Variants in SAMD7 observed in about 807,000 individuals in gnomAD.
The protein encoded by SAMD7 is sterile alpha motif domain-containing protein 7.
SAMD7 carries 34 observed loss-of-function variants against 36.7 expected under a neutral mutation model. That is an observed-to-expected ratio of 0.93 (90% CI 0.71 to 1.23). The LOEUF (loss-of-function observed/expected upper bound fraction) is 1.23. SAMD7 is among the 50% of genes most tolerant of loss of function. The probability of loss-of-function intolerance (pLI) is 0.00; values close to 1 mark genes in which losing one functional copy is unlikely to be tolerated. For missense variants in SAMD7, 570 were observed against 546.6 expected (o/e 1.04, Z -0.43); for synonymous variants, 188 against 189.7 (o/e 0.99, Z 0.07).
In SAMD7 at chr3:169,928,505, A is replaced by G; in HGVS notation, c.968A>G (p.Asp323Gly). 6.2e-7 allele frequency: 1 copy of G among 1,613,654 alleles called. No homozygotes were observed. Among genetic ancestry groups the G allele is most frequent in the Non-Finnish European group, 8.5e-7 (1 of 1,179,516 alleles). The change falls in exon 7 of 9, where the codon GAT becomes GGT. Residue 323 changes from aspartate (D) to glycine (G), a missense_variant. Asp to Gly is a moderately conservative substitution (Grantham distance 94). Coordinates refer to ENST00000335556, the MANE Select transcript of SAMD7 (RefSeq NM_001304366.2). ...GGGGGGAATCTTTCTTTGGATGAAG[A>G]TATTCAGAAGTGGACCGTGGATGAT... ...TIGGNLSLDE[D>G]IQKWTVDDVH... is the part of the protein sequence containing the mutation.
chr3:169,933,012 G>C, intron 7 of SAMD7: 2 of 756,170 alleles, frequency 2.6e-6, no homozygotes, highest in Non-Finnish European at 4.9e-6. Context: ...CATCACTCAG[G>C]TGTCTACCTG....
rs1390834395 is a variant in SAMD7 at position 169,925,013 on chromosome 3, T to C, written c.212-45T>C. ...TTATTTTATTATTTTCAAATGCATG[T>C]TTTTAATTTATTTGTGGGGTGGGAT... On this transcript the variant is annotated intron_variant, in intron 4 of 8. Transcript: ENST00000335556. 2.6e-6 allele frequency: 3 copies of C among 1,174,510 alleles called. No individual in the cohort carries two copies. In the Admixed American group the frequency reaches 6.3e-5, roughly 25 times the overall value. 72.8% of individuals were successfully genotyped at this position (1,174,510 alleles called of 1,614,324 possible).
At chr3:169,937,107 ACT>A (rs1480891740) in intron 8 of SAMD7, among the ~76,000 whole-genome samples, 2 of 152,174 alleles carry the variant, frequency 1.3e-5, no homozygotes, top group African/African-American at 4.8e-5. Flanking sequence ...GTATTTAACA[ACT>A]GGCTTGCAAA....
At chr3:169,929,770 C>T (rs1559953015) in intron 7 of SAMD7, among the ~76,000 whole-genome samples, 3 of 152,218 alleles carry the variant, frequency 2.0e-5, no homozygotes. Context: ...ACCCAAGAGA[C>T]GGCCAAGCCT....
rs146937792 is a variant in SAMD7, at chr3:169,924,686, A to G, written c.212-372A>G. On this transcript the variant is annotated intron_variant, in intron 4 of 8. Coordinates refer to ENST00000335556, the MANE Select transcript of SAMD7 (RefSeq NM_001304366.2). ...GCTTGATTTAAGCATTCCACAATGT[A>G]TATACATATATCAAAACATCAAGTG... 8.0e-3 allele frequency among the ~76,000 whole-genome samples: 1,219 copies of G among 152,324 alleles called. 21 individuals carry two copies. The highest frequency in any genetic ancestry group is 0.028 in the African/African-American group (1,171 of 41,572).
chr3:169,928,129 GA>G (rs1158434148), intron 6 of SAMD7, among the ~76,000 whole-genome samples: 1 of 152,120 alleles, frequency 6.6e-6, no homozygotes, highest in African/African-American at 2.4e-5. Flanking sequence ...GTCTCATCTC[GA>G]AAGCAGGATA....
chr3:169,912,010 G>A (rs190491115), intron 1 of SAMD7, among the ~76,000 whole-genome samples, 189 bp downstream of exon 1: 25 of 152,290 alleles, frequency 1.6e-4, no homozygotes, highest in African/African-American at 6.0e-4. Context: ...AGTTACTAAC[G>A]AGTAAAGATG....
At chr3:169,921,985 G>A (rs948806450) in intron 4 of SAMD7, among the ~76,000 whole-genome samples, 1 of 152,192 alleles carries the variant, frequency 6.6e-6, no homozygotes, top group African/African-American at 2.4e-5. Context: ...TATGTGGAAG[G>A]TGGAAGAAAG....
At chr3:169,934,922 T>C (rs912889964) in intron 7 of SAMD7, among the ~76,000 whole-genome samples, 1 of 152,178 alleles carries the variant, frequency 6.6e-6, no homozygotes, top group African/African-American at 2.4e-5. Context: ...AGCAGCCTCA[T>C]GACAGAAAGG....
chr3:169,936,263 A>G lies in SAMD7; in HGVS notation c.1042-76A>G, dbSNP rs953810106. On this transcript the variant is annotated intron_variant, in intron 7 of 8. Transcript: ENST00000335556. ...CAGTCTTAATGTTTTCTCCAAAACT[A>G]AAATATCTAGGTGGTAAAAGAACTT... 1.5e-5 allele frequency: 14 copies of G among 941,446 alleles called. No individual in the cohort carries two copies. The Admixed American group carries it at 2.9e-4, about 20-fold the overall frequency. The allele number at this position is 941,446 out of a possible 1,614,324, so 58.3% of individuals were successfully genotyped here.
chr3:169,914,766 CA>C lies in SAMD7; in HGVS notation c.-116-590del, dbSNP rs548032548. 1.3e-3 allele frequency among the ~76,000 whole-genome samples: 193 copies of C among 145,788 alleles called. 4 individuals carry two copies. The South Asian group carries it at 0.025, about 19-fold the overall frequency. On this transcript the variant is annotated intron_variant, in intron 1 of 8. Transcript: ENST00000335556. Reference sequence around the variant, plus strand: ...ATTTCACATAACTTGTGACTAATGGCAAAAAAAAAAATCCTGCTGTTTTGTT... The same window carrying C: ...ATTTCACATAACTTGTGACTAATGGCAAAAAAAAAATCCTGCTGTTTTGTT...
intron 3 of SAMD7, among the ~76,000 whole-genome samples, chr3:169,920,712 C>T (rs1192542033): frequency 6.6e-6 from 1 of 151,960 alleles, no homozygotes; most frequent in Non-Finnish European, 1.5e-5. Context: ...ATATTTTGAC[C>T]TTCAGGAGAG....
At chr3:169,916,728 C>A (rs1472674439) in intron 2 of SAMD7, among the ~76,000 whole-genome samples, 1 of 152,208 alleles carries the variant, frequency 6.6e-6, no homozygotes, top group Non-Finnish European at 1.5e-5. Context: ...GTTCAATCTT[C>A]TGCTAGAGAC....
At chr3:169,916,398 T>C (rs1481471564) in intron 2 of SAMD7, among the ~76,000 whole-genome samples, 2 of 152,064 alleles carry the variant, frequency 1.3e-5, no homozygotes, top group African/African-American at 4.8e-5. Flanking sequence ...CTAATCCCAG[T>C]GCTATGGGAG....
At chr3:169,927,543 C>A (rs1194308933) in intron 6 of SAMD7, among the ~76,000 whole-genome samples, 1 of 152,044 alleles carries the variant, frequency 6.6e-6, no homozygotes, top group Non-Finnish European at 1.5e-5. Flanking sequence ...GATCCGCCCG[C>A]CTCGGCCTCC....
intron 7 of SAMD7, chr3:169,933,138 T>A (rs557626912): frequency 2.3e-5 from 18 of 785,510 alleles, no homozygotes; most frequent in African/African-American, 2.2e-4. Context: ...CATGGACCAG[T>A]GGCTCCTGAG....
In SAMD7 at chr3:169,920,544, G is replaced by T. The variant is rs189762150; in HGVS notation, c.87-670G>T. On this transcript the variant is annotated intron_variant, in intron 3 of 8. Coordinates refer to ENST00000335556, the MANE Select transcript of SAMD7 (RefSeq NM_001304366.2). The stretch of plus-strand genomic sequence containing the variant: ...TTCAACATGCTAATTTTTTGGTGGC[G>T]AGGCGAAACAAGTCCATAACAACTG... Among the ~76,000 whole-genome samples the T allele has an allele frequency of 2.0e-5, 3 of 152,256 alleles. No individual in the cohort carries two copies. In the South Asian group the frequency reaches 6.2e-4, roughly 32 times the overall value.
intron 3 of SAMD7, among the ~76,000 whole-genome samples, chr3:169,919,968 T>A (rs552841744): frequency 9.9e-5 from 15 of 151,878 alleles, no homozygotes; most frequent in Non-Finnish European, 1.9e-4. Flanking sequence ...ATGTCAGGAG[T>A]TTGAGACCAG....
chr3:169,937,682 A>T (rs978990642), intron 8 of SAMD7, among the ~76,000 whole-genome samples: 1 of 152,096 alleles, frequency 6.6e-6, no homozygotes, highest in Non-Finnish European at 1.5e-5. Flanking sequence ...GGTTGATTCC[A>T]TGTCTTTGCT....
Sources: gnomAD v4.1 joint callset for allele counts (sites outside exome capture counted in the v4.1 genomes callset) on GRCh38, gnomAD v4.1.1 for gene constraint, MANE v1.5 for transcripts, NCBI Gene and HGNC (gene_info 2026-07-23, HGNC 2026-07-21) for gene names.